Variants in CDH12 observed in about 807,000 individuals in gnomAD.
The protein encoded by CDH12 is cadherin-12.
Under a neutral mutation model 74.1 loss-of-function variants are expected in CDH12, and 41 were observed. That is an observed-to-expected ratio of 0.55 (90% confidence interval 0.43 to 0.72). The LOEUF is 0.72. Among genes scored for constraint, CDH12 ranks in the 30% least tolerant of loss-of-function variants. CDH12 has a pLI of 0.00. For synonymous variants in CDH12, 399 were observed against 355.0 expected, an observed-to-expected ratio of 1.12 and a Z score of -1.39; for missense variants, 945 against 977.2, an observed-to-expected ratio of 0.97 and a Z score of 0.44.
At chr5:21,795,386 A>C (rs1003836948) in intron 10 of CDH12, among the ~76,000 whole-genome samples, 1 of 151,928 alleles carries the variant, frequency 6.6e-6, no homozygotes, top group Admixed American at 6.6e-5. Context: ...AACACAAATG[A>C]GTACTATGCC....
At chr5:22,752,364 G>A (rs1312236339) in intron 1 of CDH12, among the ~76,000 whole-genome samples, 2 of 151,476 alleles carry the variant, frequency 1.3e-5, no homozygotes, top group Non-Finnish European at 2.9e-5. Context: ...CGGAAAGTAT[G>A]GAAGCTATAC....
At chr5:21,850,294 A>G (rs1395139710) in intron 7 of CDH12, among the ~76,000 whole-genome samples, 2 of 151,572 alleles carry the variant, frequency 1.3e-5, no homozygotes. Context: ...CGAGTAGATT[A>G]TAACTTTCTT....
intron 8 of CDH12, among the ~76,000 whole-genome samples, chr5:21,824,598 G>C (rs2149956731): frequency 6.6e-6 from 1 of 152,170 alleles, no homozygotes; most frequent in Middle Eastern, 3.4e-3. Context: ...TTTCTCTGCT[G>C]TTTTCAGGAG....
chr5:22,508,521 C>A (rs1277836828), intron 1 of CDH12, among the ~76,000 whole-genome samples: 1 of 152,064 alleles, frequency 6.6e-6, no homozygotes, highest in Non-Finnish European at 1.5e-5. Flanking sequence ...CCTTCCCAAT[C>A]CTAAAGAGGT....
At chr5:22,045,602 C>CAA (rs34753862) in intron 5 of CDH12, among the ~76,000 whole-genome samples, 27,922 of 112,420 alleles carry the variant, frequency 0.25, 3,152 homozygotes, top group African/African-American at 0.32. Flanking sequence ...ACTATTCAGC[C>CAA]AAAAAAAAAA....
At chr5:21,915,802 C>G (rs1301166485) in intron 6 of CDH12, among the ~76,000 whole-genome samples, 1 of 144,154 alleles carries the variant, frequency 6.9e-6, no homozygotes, top group Non-Finnish European at 1.5e-5. Context: ...CTTGGGTACA[C>G]CAGTTTCTGA....
intron 4 of CDH12, among the ~76,000 whole-genome samples, chr5:22,204,310 G>C (rs1488851159): frequency 6.6e-6 from 1 of 152,066 alleles, no homozygotes; most frequent in Non-Finnish European, 1.5e-5. Flanking sequence ...ACAGGCACCC[G>C]TCACCACGCC....
chr5:22,115,983 C>T (rs576100705), intron 4 of CDH12, among the ~76,000 whole-genome samples: 3 of 152,114 alleles, frequency 2.0e-5, no homozygotes, highest in Non-Finnish European at 4.4e-5. Context: ...AGCCACTGTG[C>T]CCGGCTGGTC....
At chr5:22,109,905 A>G (rs1744708202) in intron 4 of CDH12, among the ~76,000 whole-genome samples, 1 of 152,172 alleles carries the variant, frequency 6.6e-6, no homozygotes, top group East Asian at 1.9e-4. Context: ...CCTCATAAGG[A>G]CAGGAAAACC....
intron 3 of CDH12, among the ~76,000 whole-genome samples, chr5:22,313,672 T>C (rs928061656): frequency 6.6e-6 from 1 of 152,168 alleles, no homozygotes; most frequent in Admixed American, 6.5e-5. Flanking sequence ...ACAATATCTT[T>C]TGCAGCAACT....
At chr5:22,464,526 A>T (rs1405355873) in intron 2 of CDH12, among the ~76,000 whole-genome samples, 1 of 152,036 alleles carries the variant, frequency 6.6e-6, no homozygotes, top group Non-Finnish European at 1.5e-5. Context: ...ACGGGATCTG[A>T]TTCTTCTGTT....
intron 1 of CDH12, among the ~76,000 whole-genome samples, chr5:22,809,241 A>G (rs1015113784): frequency 6.6e-6 from 1 of 152,050 alleles, no homozygotes; most frequent in Non-Finnish European, 1.5e-5. Context: ...ATAAATTGTC[A>G]GTTGCTATTT....
At chr5:21,880,578 T>TC (rs1254965381) in intron 6 of CDH12, among the ~76,000 whole-genome samples, 7 of 41,934 alleles carry the variant, frequency 1.7e-4, no homozygotes, top group African/African-American at 3.7e-4. Context: ...TTTCTTTCCT[T>TC]CCTTCCTTCC....
chr5:22,436,709 A>G (rs1307624106), intron 2 of CDH12, among the ~76,000 whole-genome samples: 1 of 152,114 alleles, frequency 6.6e-6, no homozygotes, highest in Non-Finnish European at 1.5e-5. Context: ...TAAGAAAAAC[A>G]ATATAGAAAA....
At chr5:22,250,950 A>T (rs1456566001) in intron 3 of CDH12, among the ~76,000 whole-genome samples, 5 of 152,198 alleles carry the variant, frequency 3.3e-5, no homozygotes, top group Admixed American at 1.3e-4. Context: ...TGTTCCAGAA[A>T]GGTAGACTAA....
At chr5:22,274,940 C>A (rs1002548251) in intron 3 of CDH12, among the ~76,000 whole-genome samples, 1 of 152,088 alleles carries the variant, frequency 6.6e-6, no homozygotes, top group Admixed American at 6.6e-5. Context: ...AGATAGCCAA[C>A]CTTTCACAGT....
chr5:22,457,990 G>A (rs182255978), intron 2 of CDH12, among the ~76,000 whole-genome samples: 4 of 151,786 alleles, frequency 2.6e-5, no homozygotes, highest in East Asian at 1.9e-4. Context: ...TGATCCACCC[G>A]CCTCGGCCTC....
intron 1 of CDH12, among the ~76,000 whole-genome samples, chr5:22,739,585 A>C (rs1306202937): frequency 6.6e-6 from 1 of 152,096 alleles, no homozygotes; most frequent in African/African-American, 2.4e-5. Context: ...CATAAGACCT[A>C]TCGTCTTACA....
At chr5:21,988,968 A>G (rs1347416912) in intron 5 of CDH12, among the ~76,000 whole-genome samples, 1 of 152,160 alleles carries the variant, frequency 6.6e-6, no homozygotes, top group East Asian at 1.9e-4. Flanking sequence ...AGAATCCTAT[A>G]CATCTGCGTA....
Sources: gnomAD v4.1 joint callset for allele counts (sites outside exome capture counted in the v4.1 genomes callset) on GRCh38, gnomAD v4.1.1 for gene constraint, MANE v1.5 for transcripts, NCBI Gene and HGNC (gene_info 2026-07-23, HGNC 2026-07-21) for gene names.